Variants in STX12 observed in about 807,000 individuals in gnomAD.
The protein encoded by STX12 is syntaxin 12, also known as syntaxin-12.
A neutral mutation model predicts 42.2 loss-of-function variants in STX12; 17 were observed. The ratio of observed to expected loss-of-function variants is 0.40; its 90% CI spans 0.28 to 0.60. The LOEUF is 0.60. STX12 is among the 20% of genes least tolerant of loss of function. The probability of loss-of-function intolerance (pLI) is 0.39; values close to 1 mark genes in which losing one functional copy is unlikely to be tolerated. For missense variants in STX12, 297 were observed against 330.9 expected (o/e 0.90, Z 0.79); for synonymous variants, 108 against 116.7 (o/e 0.93, Z 0.48).
chr1:27,819,752 A>G lies in STX12; in HGVS notation c.732+20A>G, dbSNP rs536052325. The G allele has an allele frequency of 6.2e-7, 1 of 1,610,412 alleles. No individual in the cohort carries two copies. The highest frequency in any genetic ancestry group is 1.3e-5 in the African/African-American group (1 of 74,952). ...TATCAGGTAAAAGCGGGTACCAAAG[A>G]AAGTCACTCTGTGTTGCAGACTTTT... On this transcript the variant is annotated intron_variant, in intron 8 of 8. Coordinates refer to ENST00000373943, the MANE Select transcript of STX12 (RefSeq NM_177424.3).
At chr1:27,787,639 A>G (rs2088708612) in intron 1 of STX12, among the ~76,000 whole-genome samples, 1 of 151,750 alleles carries the variant, frequency 6.6e-6, no homozygotes, top group African/African-American at 2.4e-5. Context: ...AGCCTGGCCG[A>G]CAGAGTGAGA....
intron 4 of STX12, among the ~76,000 whole-genome samples, chr1:27,803,879 T>C (rs1381457394): frequency 6.6e-6 from 1 of 151,964 alleles, no homozygotes; most frequent in African/African-American, 2.4e-5. Flanking sequence ...CGCGTGCCTG[T>C]AATCCCAGCT....
chr1:27,792,163 T>C (rs1189531168), intron 2 of STX12, among the ~76,000 whole-genome samples: 3 of 131,442 alleles, frequency 2.3e-5, no homozygotes, highest in Non-Finnish European at 4.6e-5. Flanking sequence ...TGTATCTATA[T>C]ATGTATATAC....
chr1:27,781,608 G>T (rs1465857699), intron 1 of STX12, among the ~76,000 whole-genome samples: 1 of 152,110 alleles, frequency 6.6e-6, no homozygotes, highest in Non-Finnish European at 1.5e-5. Flanking sequence ...AGAAATGTTA[G>T]CTCTCATTTT....
At chr1:27,819,270 TAA>T (rs1193228798) in intron 7 of STX12, among the ~76,000 whole-genome samples, 52 of 114,204 alleles carry the variant, frequency 4.6e-4, no homozygotes, top group Non-Finnish European at 6.6e-4. Context: ...TCCCGTCTCT[TAA>T]AAAAAAAAAA....
intron 6 of STX12, among the ~76,000 whole-genome samples, chr1:27,814,270 G>A (rs997309341): frequency 6.6e-6 from 1 of 152,188 alleles, no homozygotes. Context: ...AATGGCTCAT[G>A]CCTGTAATCC....
intron 3 of STX12, among the ~76,000 whole-genome samples, chr1:27,798,338 C>A (rs2148602369): frequency 6.6e-6 from 1 of 151,780 alleles, no homozygotes; most frequent in South Asian, 2.1e-4. Context: ...TGAGACCCAG[C>A]CCGGGCAACA....
intron 8 of STX12, among the ~76,000 whole-genome samples, chr1:27,821,180 A>G (rs182329938): frequency 1.6e-4 from 24 of 152,148 alleles, no homozygotes; most frequent in East Asian, 9.7e-4. Flanking sequence ...AAAAAAAAAA[A>G]AAGAAGAAAT....
At chr1:27,801,420 A>G (rs1445417662) in intron 3 of STX12, among the ~76,000 whole-genome samples, 1 of 152,054 alleles carries the variant, frequency 6.6e-6, no homozygotes, top group African/African-American at 2.4e-5. Context: ...AAGAAAAAAA[A>G]AAAAAGAAGA....
intron 3 of STX12, among the ~76,000 whole-genome samples, chr1:27,798,122 A>G (rs140147209): frequency 2.0e-5 from 3 of 152,340 alleles, no homozygotes; most frequent in African/African-American, 7.2e-5. Context: ...TTTAAGCACT[A>G]TATAAATATT....
At chr1:27,799,612 G>A (rs564405590) in intron 3 of STX12, among the ~76,000 whole-genome samples, 221 of 150,466 alleles carry the variant, frequency 1.5e-3, no homozygotes, top group African/African-American at 4.7e-3. Context: ...CCTCCCAAGT[G>A]GCAAAGGACT....
At chr1:27,798,519 C>CCT (rs1557802749) in intron 3 of STX12, among the ~76,000 whole-genome samples, 1 of 151,636 alleles carries the variant, frequency 6.6e-6, no homozygotes, top group African/African-American at 2.4e-5. Context: ...ATGGTGGCCA[C>CCT]CTATAATCCC....
chr1:27,806,285 A>C (rs1451346024), intron 4 of STX12, among the ~76,000 whole-genome samples: 1 of 152,218 alleles, frequency 6.6e-6, no homozygotes, highest in Non-Finnish European at 1.5e-5. Context: ...GTTGTCTGCC[A>C]AATACCCATC....
At chr1:27,797,875 A>ACACACAC (rs2088797571) in intron 3 of STX12, among the ~76,000 whole-genome samples, 1 of 143,112 alleles carries the variant, frequency 7.0e-6, no homozygotes, top group African/African-American at 2.6e-5. Flanking sequence ...TCTGAAGGTA[A>ACACACAC]ACACACACAC....
At chr1:27,804,666 C>G (rs2088849099) in intron 4 of STX12, among the ~76,000 whole-genome samples, 1 of 151,828 alleles carries the variant, frequency 6.6e-6, no homozygotes, top group Non-Finnish European at 1.5e-5. Flanking sequence ...AAAAAATTAG[C>G]CGGGCATGGT....
intron 8 of STX12, 81 bp downstream of exon 8, chr1:27,819,813 C>A: frequency 8.2e-7 from 1 of 1,212,330 alleles, no homozygotes; most frequent in Non-Finnish European, 1.2e-6. Context: ...TTGAGAACAG[C>A]TACAGCCTTT....
At chr1:27,775,929 G>T (rs1231361246) in intron 1 of STX12, among the ~76,000 whole-genome samples, 3 of 152,086 alleles carry the variant, frequency 2.0e-5, no homozygotes, top group African/African-American at 7.2e-5. Flanking sequence ...AAAGTAGTGG[G>T]AAAAAAGGAT....
At chr1:27,778,109 C>G (rs1321226683) in intron 1 of STX12, among the ~76,000 whole-genome samples, 1 of 152,086 alleles carries the variant, frequency 6.6e-6, no homozygotes, top group African/African-American at 2.4e-5. Flanking sequence ...GGACTTGTAC[C>G]CATTAAAAGT....
intron 1 of STX12, 69 bp downstream of exon 1, chr1:27,773,494 C>T (rs113246948): frequency 6.9e-7 from 1 of 1,448,208 alleles, no homozygotes; most frequent in Non-Finnish European, 9.6e-7. Flanking sequence ...GCTGCCGGGA[C>T]GCAGGGCCCG....
Sources: allele counts gnomAD v4.1 joint callset (sites outside exome capture counted in the v4.1 genomes callset), GRCh38; gene constraint gnomAD v4.1.1; transcripts MANE v1.5; gene names NCBI Gene and HGNC (gene_info 2026-07-23, HGNC 2026-07-21).